ACADVL: variants seen among roughly 807,000 people sequenced by gnomAD.
The protein encoded by ACADVL is very long-chain acyl-CoA dehydrogenase, mitochondrial.
In ACADVL, 73 loss-of-function variants were observed where a neutral mutation model predicts 80.4. The ratio of observed to expected loss-of-function variants is 0.91; its 90% CI spans 0.75 to 1.10. The LOEUF is 1.10. Among genes scored for constraint, ACADVL ranks in the 50% least tolerant of loss-of-function variants. ACADVL has a pLI of 0.00. For synonymous variants in ACADVL, 392 were observed against 326.5 expected (o/e 1.20, Z -2.16); for missense variants, 878 against 858.9 (o/e 1.02, Z -0.28).
chr17:7,220,245 T>C (rs1597516991), intron 2 of ACADVL, 48 bp downstream of exon 2: 2 of 1,514,030 alleles, frequency 1.3e-6, no homozygotes, highest in South Asian at 2.4e-5. Context: ...GGCGGTCCGC[T>C]TCGGCGCCCG....
intron 11 of ACADVL, 111 bp downstream of exon 11, chr17:7,223,348 A>C: frequency 2.9e-6 from 3 of 1,031,480 alleles, no homozygotes; most frequent in Non-Finnish European, 4.6e-6. Context: ...CTTTACACCA[A>C]TGCCCTAGGG....
chr17:7,219,097 G>A (rs543230311), upstream of ACADVL: 8 of 571,256 alleles, frequency 1.4e-5, no homozygotes, highest in South Asian at 1.8e-4. Flanking sequence ...TCCTCACAGA[G>A]GGCTCCAGCA....
rs770961747 is a variant in ACADVL, at chr17:7,221,612, C to T, written c.552C>T (p.Ile184=). 42 of 1,613,964 alleles carry T rather than the reference C, an allele frequency of 2.6e-5. No individual in the cohort carries two copies. The highest frequency in any genetic ancestry group is 1.3e-4 in the South Asian group (12 of 91,090). ...VGITLGAHQS[I]GFKGILLFGT... is the part of the protein sequence containing the mutation. ...TTACCCTGGGGGCCCATCAGAGCAT[C>T]GGTTTCAAAGGCATCCTGCTCTTTG... The change falls in exon 7 of 20, where the codon ATC becomes ATT. Residue 184 remains isoleucine (I), a synonymous_variant. Coordinates refer to ENST00000356839, the MANE Select transcript of ACADVL (RefSeq NM_000018.4).
At chr17:7,221,411 C>CAGGTCAGGCACTGCCCT (rs535609436) in intron 6 of ACADVL, 127 bp from the exon 7 acceptor site, 12 of 1,441,872 alleles carry the variant, frequency 8.3e-6, no homozygotes, top group Admixed American at 1.7e-5. Context: ...GGGGATGGCC[C>CAGGTCAGGCACTGCCCT]AGGTCAGGCA....
rs904631654 is a variant in ACADVL, at chr17:7,223,681, G to C, written c.1220G>C (p.Gly407Ala). Residue 407 changes from glycine (G) to alanine (A), a missense_variant, in exon 12 of 20, where the codon GGA (glycine) becomes GCA (alanine). Gly to Ala is a moderately conservative substitution (Grantham distance 60). Coordinates refer to ENST00000356839, the MANE Select transcript of ACADVL (RefSeq NM_000018.4). ...AYMVSANMDQ[G>A]ATDFQIEAAI... ...ATGGTGAGTGCTAACATGGACCAGG[G>C]AGCCACGGACTTCCAGATAGAGGCC... is the stretch of plus-strand genomic sequence containing the variant. The C allele has an allele frequency of 1.7e-5, 28 of 1,613,958 alleles. No individual in the cohort carries two copies. The Admixed American group carries it at 3.5e-4, about 20-fold the overall frequency.
Position 7,222,705 on chromosome 17 carries a change from A to C in ACADVL, c.917A>C (p.Asn306Thr). 6.2e-7 allele frequency: 1 copy of C among 1,614,102 alleles called. No homozygotes were observed. The highest frequency in any genetic ancestry group is 1.1e-5 in the South Asian group (1 of 91,074). The change falls in exon 10 of 20, where the codon AAC becomes ACC. Residue 306 changes from asparagine (N) to threonine (T), a missense_variant. By Grantham distance (65) the Asn-to-Thr change is moderately conservative (BLOSUM62 0). Coordinates refer to ENST00000356839, the MANE Select transcript of ACADVL (RefSeq NM_000018.4). ...PEKKMGIKAS[N>T]TAEVFFDGVR... ...AAGAAGATGGGCATCAAGGCTTCAAACACAGCAGAGGTGTTCTTTGATGGA... is the reference window on the plus strand; with the variant it reads ...AAGAAGATGGGCATCAAGGCTTCAACCACAGCAGAGGTGTTCTTTGATGGA...
intron 14 of ACADVL, 25 bp downstream of exon 14, chr17:7,224,094 TAG>T (rs1567568002): frequency 8.7e-6 from 14 of 1,610,164 alleles, no homozygotes; most frequent in Non-Finnish European, 1.0e-5. Context: ...TGGGTGGGGG[TAG>T]AGGTGGGGAG....
chr17:7,224,608 C>T lies in ACADVL; in HGVS notation c.1679-34C>T, dbSNP rs779439503. ...CCTTTCCTCTCCTTGAGACTAATGCCCCCACCCCCACCCCCACCCCACCTA... is the reference window on the plus strand; with the variant it reads ...CCTTTCCTCTCCTTGAGACTAATGCTCCCACCCCCACCCCCACCCCACCTA... On this transcript the variant is annotated intron_variant, in intron 17 of 19. Transcript: ENST00000356839. 63 of 1,459,306 alleles carry T rather than the reference C, an allele frequency of 4.3e-5. No individual in the cohort carries two copies. Among genetic ancestry groups the T allele is most frequent in the Admixed American group, 2.6e-4 (13 of 50,714 alleles). The allele number at this position is 1,459,306 out of a possible 1,614,324, so 90.4% of individuals were successfully genotyped here. A position where few individuals can be genotyped will look rare whatever the true frequency, so the allele number is the denominator to read the frequency against.
upstream of ACADVL, chr17:7,218,811 C>A (rs367821648): frequency 1.4e-4 from 223 of 1,613,646 alleles, no homozygotes; most frequent in Non-Finnish European, 1.8e-4. Context: ...CTCCCCTCCA[C>A]AAGGAGCCCT....
upstream of ACADVL, chr17:7,218,360 G>A: frequency 6.6e-7 from 1 of 1,504,900 alleles, no homozygotes; most frequent in Non-Finnish European, 9.1e-7. Flanking sequence ...ACCGCTGCTG[G>A]CTGGCTGGCA....
chr17:7,223,949 TTGTG>T lies in ACADVL; in HGVS notation c.1333-16_1333-13del. 2 of 1,613,596 alleles carry T rather than the reference TTGTG, an allele frequency of 1.2e-6. No individual in the cohort carries two copies. The highest frequency in any genetic ancestry group is 1.7e-6 in the Non-Finnish European group (2 of 1,179,848). On this transcript the variant is annotated splice_polypyrimidine_tract_variant and intron_variant, in intron 13 of 19. Transcript: ENST00000356839. ...GCACATCTCAGCACGGGCATATAAT[TTGTG>T]TGGCCCTGTGCTAGGAACCTGGAGT...
rs764775196 is a variant in ACADVL, at chr17:7,223,174, T to C, written c.1119T>C (p.Ile373=). 1 of 1,614,064 alleles carries C rather than the reference T, an allele frequency of 6.2e-7. No homozygotes were observed. Among genetic ancestry groups the C allele is most frequent in the South Asian group, 1.1e-5 (1 of 91,078 alleles). Residue 373 remains isoleucine (I), a synonymous_variant, in exon 11 of 20, where the codon ATT becomes ATC. Coordinates refer to ENST00000356839, the MANE Select transcript of ACADVL (RefSeq NM_000018.4). ...ATCGTACCCAGTTTGGGGAGAAAAT[T>C]CACAACTTTGGGCTGATCCAGGAGA... ...ATNRTQFGEK[I]HNFGLIQEKL...
At chr17:7,223,917 T>A (rs1418285691) in intron 13 of ACADVL, 42 bp downstream of exon 13, 3 of 1,613,076 alleles carry the variant, frequency 1.9e-6, no homozygotes, top group Non-Finnish European at 2.5e-6. Context: ...GGGCCAGGGG[T>A]GGGTAGGCAC....
chr17:7,217,889 G>A (rs1270878850), upstream of ACADVL: 26 of 1,433,404 alleles, frequency 1.8e-5, no homozygotes, highest in East Asian at 7.4e-5. Context: ...ATTTGAATAC[G>A]GGAGGGAGGC....
In ACADVL at chr17:7,224,682, C is replaced by A; in HGVS notation, c.1719C>A (p.Ile573=). 6.4e-7 allele frequency: 1 copy of A among 1,572,826 alleles called. No homozygotes were observed. The highest frequency in any genetic ancestry group is 1.1e-5 in the South Asian group (1 of 87,308). ...FLLQRLADGA[I]DLYAMVVVLS... is the part of the protein sequence containing the mutation. Reference sequence around the variant, plus strand: ...TGCAGCGGCTGGCAGACGGGGCCATCGACCTCTATGCCATGGTGGTGGTTC... The same window carrying A: ...TGCAGCGGCTGGCAGACGGGGCCATAGACCTCTATGCCATGGTGGTGGTTC... The change falls in exon 18 of 20, where the codon ATC becomes ATA. Residue 573 remains isoleucine (I), a synonymous_variant. Coordinates refer to ENST00000356839, the MANE Select transcript of ACADVL (RefSeq NM_000018.4).
chr17:7,224,581 T>C lies in ACADVL; in HGVS notation c.1678+29T>C, dbSNP rs1023643662. ...AGTGAGCTCTACACCATTCCGCCCC[T>C]CCCTTTCCTCTCCTTGAGACTAATG... On this transcript the variant is annotated intron_variant, in intron 17 of 19. Coordinates refer to ENST00000356839, the MANE Select transcript of ACADVL (RefSeq NM_000018.4). 4.4e-6 allele frequency: 7 copies of C among 1,605,994 alleles called. No individual in the cohort carries two copies. The highest frequency in any genetic ancestry group is 3.4e-5 in the Admixed American group (2 of 59,690).
chr17:7,217,673 G>C (rs1185591721), upstream of ACADVL: 6 of 1,355,502 alleles, frequency 4.4e-6, no homozygotes, highest in East Asian at 2.8e-5. Context: ...GAGCCAGAAT[G>C]GGGGGGGTGC....
intron 9 of ACADVL, 80 bp downstream of exon 9, chr17:7,222,382 C>A: frequency 2.5e-6 from 4 of 1,570,608 alleles, no homozygotes; most frequent in Non-Finnish European, 2.6e-6. Context: ...GCAAGTCACC[C>A]TGGGGACGTG....
Position 7,224,085 on chromosome 17 carries a change from GGGTGGGGGTAGA to G in ACADVL, c.1434+24_1434+35del. 1 of 1,613,998 alleles carries G rather than the reference GGGTGGGGGTAGA, an allele frequency of 6.2e-7. No homozygotes were observed. The highest frequency in any genetic ancestry group is 1.1e-5 in the South Asian group (1 of 91,062). ...GGGCTGTATGGTAAGACAGAGAATT[GGGTGGGGGTAGA>G]GGTGGGGAGGACAGTGAGTCCTGAC... On this transcript the variant is annotated intron_variant, in intron 14 of 19. Transcript: ENST00000356839.
Sources: allele counts gnomAD v4.1 joint callset, GRCh38; gene constraint gnomAD v4.1.1; transcripts MANE v1.5; gene names NCBI Gene and HGNC (gene_info 2026-07-23, HGNC 2026-07-21).